The following HTR7 variants were observed in gnomAD, a reference collection of about 807,000 sequenced individuals.
HTR7 encodes 5-hydroxytryptamine receptor 7.
HTR7 carries 16 observed loss-of-function variants against 34.0 expected under a neutral mutation model. The observed-to-expected ratio is 0.47, with a 90% confidence interval of 0.32 to 0.71. HTR7 has a LOEUF of 0.71. HTR7 is among the 30% of genes least tolerant of loss of function. The pLI is 0.04. For synonymous variants in HTR7, 265 were observed against 260.2 expected (o/e 1.02, Z -0.18); for missense variants, 504 against 625.5 (o/e 0.81, Z 2.07).
chr10:90,792,245 GATAAC>G (rs1845469854), intron 1 of HTR7, among the ~76,000 whole-genome samples: 1 of 152,056 alleles, frequency 6.6e-6, no homozygotes, highest in African/African-American at 2.4e-5. Context: ...TTAAAAATAA[GATAAC>G]AACAAGTTTA....
intron 1 of HTR7, among the ~76,000 whole-genome samples, chr10:90,785,320 G>T (rs891333667): frequency 6.6e-6 from 1 of 152,008 alleles, no homozygotes; most frequent in Non-Finnish European, 1.5e-5. Flanking sequence ...GAGGCAGCTA[G>T]AAACATCAAA....
rs1243893789 is a variant in HTR7, at chr10:90,749,659, C to T, written c.540-65G>A. On this transcript the variant is annotated intron_variant, in intron 1 of 3. Coordinates refer to ENST00000336152, the MANE Select transcript of HTR7 (RefSeq NM_019859.4). This position sits in a 1 kb window ranked among gnomAD's most constrained non-coding sequence, Gnocchi z 4.2. ...TCATAACTGGTCAACCAAGCAAGTCCTGCCAGCCAGGTACCAGCGCCAGTC... is the reference window on the plus strand; with the variant it reads ...TCATAACTGGTCAACCAAGCAAGTCTTGCCAGCCAGGTACCAGCGCCAGTC... 6.7e-7 allele frequency: 1 copy of T among 1,488,334 alleles called. No individual in the cohort carries two copies. Among genetic ancestry groups the T allele is most frequent in the East Asian group, 2.3e-5 (1 of 43,918 alleles). The allele number at this position is 1,488,334 out of a possible 1,614,324, so 92.2% of individuals were successfully genotyped here.
intron 2 of HTR7, among the ~76,000 whole-genome samples, chr10:90,745,273 G>C (rs1301953309): frequency 6.6e-6 from 1 of 152,154 alleles, no homozygotes; most frequent in Non-Finnish European, 1.5e-5. Context: ...GTCTGGTGAG[G>C]GCTCGCTGTC....
At chr10:90,815,038 A>C (rs551610170) in intron 1 of HTR7, among the ~76,000 whole-genome samples, 1 of 152,182 alleles carries the variant, frequency 6.6e-6, no homozygotes, top group South Asian at 2.1e-4. Context: ...AGTTTCTGGG[A>C]CCAGAATGTA....
Position 90,857,051 on chromosome 10 carries a change from C to T in HTR7, c.539+82G>A. On this transcript the variant is annotated intron_variant, in intron 1 of 3. Coordinates refer to ENST00000336152, the MANE Select transcript of HTR7 (RefSeq NM_019859.4). The surrounding 1 kb of genome is among the most constrained non-coding windows in gnomAD (Gnocchi z 6.5). Reference sequence around the variant, plus strand: ...TCCCGCCTTGAAGTCTAGCTTGATCCTCCCAGGAAAGGCGAGCGCGCGGGG... The same window carrying T: ...TCCCGCCTTGAAGTCTAGCTTGATCTTCCCAGGAAAGGCGAGCGCGCGGGG... The T allele has an allele frequency of 7.7e-7, 1 of 1,303,386 alleles. No homozygotes were observed. Among genetic ancestry groups the T allele is most frequent in the Non-Finnish European group, 1.0e-6 (1 of 960,950 alleles). The allele number at this position is 1,303,386 out of a possible 1,614,324, so 80.7% of individuals were successfully genotyped here.
chr10:90,823,422 G>A (rs1846019381), intron 1 of HTR7, among the ~76,000 whole-genome samples: 1 of 152,190 alleles, frequency 6.6e-6, no homozygotes, highest in Admixed American at 6.5e-5. Flanking sequence ...ATTTGTTTCG[G>A]CTGATTTCTC....
At chr10:90,825,629 G>T (rs1373085621) in intron 1 of HTR7, among the ~76,000 whole-genome samples, 2 of 152,130 alleles carry the variant, frequency 1.3e-5, no homozygotes, top group African/African-American at 4.8e-5. Flanking sequence ...AGGAATTTGG[G>T]ATCTTATCAG....
rs558990873 is a variant in HTR7 at position 90,748,753 on chromosome 10, G to A, written c.1295+86C>T. 82 of 1,398,384 alleles carry A rather than the reference G, an allele frequency of 5.9e-5. 1 individual carries two copies. The highest frequency in any genetic ancestry group is 4.5e-4 in the South Asian group (32 of 71,198). 86.6% of individuals were successfully genotyped at this position (1,398,384 alleles called of 1,614,324 possible). ...TTAGTAAAAACTAAGCTAGCTACTC[G>A]TTCAGGAAGCTTTCTGTGATGTGCC... is the stretch of plus-strand genomic sequence containing the variant. On this transcript the variant is annotated intron_variant, in intron 2 of 3. Coordinates refer to ENST00000336152, the MANE Select transcript of HTR7 (RefSeq NM_019859.4).
chr10:90,851,604 CAAA>C (rs34310653), intron 1 of HTR7, among the ~76,000 whole-genome samples: 4 of 69,206 alleles, frequency 5.8e-5, no homozygotes, highest in Non-Finnish European at 1.0e-4. Context: ...GACTCCGTCC[CAAA>C]AAAAAAAAAA....
intron 1 of HTR7, among the ~76,000 whole-genome samples, chr10:90,820,432 G>C (rs1287757484): frequency 6.6e-6 from 1 of 152,208 alleles, no homozygotes. Flanking sequence ...TTAGTGCTTA[G>C]TGCAAAGATC....
At chr10:90,770,567 A>G (rs1845093017) in intron 1 of HTR7, among the ~76,000 whole-genome samples, 1 of 152,174 alleles carries the variant, frequency 6.6e-6, no homozygotes, top group African/African-American at 2.4e-5. Flanking sequence ...GCCTGCTCCC[A>G]TCTCAGAGCG....
At position 90,748,886 on chromosome 10, in the gene HTR7, A is replaced by T. The variant is rs61732493; in HGVS notation, c.1248T>A (p.His416Gln). 4 of 1,614,074 alleles carry T rather than the reference A, an allele frequency of 2.5e-6. No individual in the cohort carries two copies. Among genetic ancestry groups the T allele is most frequent in the Non-Finnish European group, 3.4e-6 (4 of 1,180,012 alleles). Residue 416 changes from histidine (H) to glutamine (Q), a missense_variant, in exon 2 of 4, where the codon CAT becomes CAA. Coordinates refer to ENST00000336152, the MANE Select transcript of HTR7 (RefSeq NM_019859.4). ...GCCTCTCAGCAAGCTTCAGGGCTTC[A>T]TGCATGCCTGCAGCTGAGAGCTTCC... Reference protein sequence around the residue: ...INRKLSAAGMHEALKLAERPE... With the variant: ...INRKLSAAGMQEALKLAERPE...
At chr10:90,782,537 C>G (rs1158343135) in intron 1 of HTR7, among the ~76,000 whole-genome samples, 1 of 152,096 alleles carries the variant, frequency 6.6e-6, no homozygotes, top group Non-Finnish European at 1.5e-5. Context: ...GCAATCAAAC[C>G]TGCTAGAATC....
intron 1 of HTR7, among the ~76,000 whole-genome samples, chr10:90,782,693 C>T (rs932300060): frequency 1.3e-5 from 2 of 152,176 alleles, no homozygotes; most frequent in Non-Finnish European, 2.9e-5. Context: ...ACAAGGTAAA[C>T]CCCTGATCCA....
intron 1 of HTR7, among the ~76,000 whole-genome samples, chr10:90,781,856 A>G (rs1845310252): frequency 6.6e-6 from 1 of 152,208 alleles, no homozygotes; most frequent in African/African-American, 2.4e-5. Context: ...CTGTGGCCAT[A>G]GTAAGCACAG....
chr10:90,850,274 G>T (rs1173895856), intron 1 of HTR7, among the ~76,000 whole-genome samples: 1 of 152,230 alleles, frequency 6.6e-6, no homozygotes, highest in Non-Finnish European at 1.5e-5. Flanking sequence ...GCCAGGGGTG[G>T]AAGTCATTGG....
At chr10:90,841,281 G>T (rs1028701192) in intron 1 of HTR7, among the ~76,000 whole-genome samples, 9 of 152,228 alleles carry the variant, frequency 5.9e-5, no homozygotes, top group African/African-American at 2.2e-4. Flanking sequence ...GAAAAGCTCT[G>T]AAATCAGACC....
intron 1 of HTR7, among the ~76,000 whole-genome samples, chr10:90,825,562 G>C (rs1379377488): frequency 6.6e-6 from 1 of 152,182 alleles, no homozygotes; most frequent in Admixed American, 6.5e-5. Flanking sequence ...CTTTCAGACA[G>C]AGAATTCAAA....
rs975501739 is a variant in HTR7 at position 90,818,572 on chromosome 10, C to T, written c.539+38561G>A. On this transcript the variant is annotated intron_variant, in intron 1 of 3. Coordinates refer to ENST00000336152, the MANE Select transcript of HTR7 (RefSeq NM_019859.4). ...AAAAAAGAAAAAAAGTGAGTTTGGC[C>T]CCTGCTTCCTCTCATGTTCTCACAC... is the stretch of plus-strand genomic sequence containing the variant. Among the ~76,000 whole-genome samples, 6 of 152,066 alleles carry T rather than the reference C, an allele frequency of 3.9e-5. No individual in the cohort carries two copies. In the East Asian group the frequency reaches 1.2e-3, roughly 29 times the overall value.
Sources: allele counts gnomAD v4.1 joint callset (sites outside exome capture counted in the v4.1 genomes callset), GRCh38; gene constraint gnomAD v4.1.1; non-coding constraint Gnocchi (gnomAD v3.1); transcripts MANE v1.5; gene names NCBI Gene and HGNC (gene_info 2026-07-23, HGNC 2026-07-21).